The following STARD13 variants were observed in gnomAD, a reference collection of about 807,000 sequenced individuals.
STARD13 encodes StAR related lipid transfer domain containing 13, also known as stAR-related lipid transfer protein 13.
In STARD13, 62 loss-of-function variants were observed where a neutral mutation model predicts 106.4. The observed-to-expected ratio is 0.58, with a 90% CI of 0.48 to 0.72. The LOEUF (loss-of-function observed/expected upper bound fraction) is 0.72, where lower values mean the gene tolerates loss of function less well. Among genes scored for constraint, STARD13 ranks in the 30% least tolerant of loss-of-function variants. STARD13 has a pLI of 0.00. For missense variants in STARD13, 1,387 were observed against 1,424.0 expected (o/e 0.97, Z 0.42); for synonymous variants, 565 against 553.0 (o/e 1.02, Z -0.31).
At chr13:33,496,785 G>A in the STARD13 span, among the ~76,000 whole-genome samples, 1 of 152,036 alleles carries the variant, frequency 6.6e-6, no homozygotes, top group Admixed American at 6.6e-5. Context: ...TTTAAACAAA[G>A]AAGAAATGTA....
At chr13:33,306,643 C>A (rs1364249551) in intron 1 of STARD13, among the ~76,000 whole-genome samples, 1 of 152,074 alleles carries the variant, frequency 6.6e-6, no homozygotes, top group Non-Finnish European at 1.5e-5. Context: ...AAAAAACAAA[C>A]AACCCCACTA....
At chr13:33,311,402 C>T (rs2138500374) in intron 1 of STARD13, among the ~76,000 whole-genome samples, 1 of 152,270 alleles carries the variant, frequency 6.6e-6, no homozygotes, top group Admixed American at 6.5e-5. Flanking sequence ...CATTGTTGAC[C>T]AAAACATCAT....
intron 7 of STARD13, among the ~76,000 whole-genome samples, chr13:33,124,717 T>TA (rs67468466): frequency 0.64 from 97,378 of 151,896 alleles, 31,892 homozygotes; most frequent in Non-Finnish European, 0.71. Flanking sequence ...CCTCTAAGAT[T>TA]AAAAAAATTA....
At chr13:33,464,024 CATATATATAT>C in the STARD13 span, among the ~76,000 whole-genome samples, 2 of 112,540 alleles carry the variant, frequency 1.8e-5, no homozygotes, top group African/African-American at 5.8e-5. Context: ...AAAAAAAATA[CATATATATAT>C]ATATATATGT....
At chr13:33,642,785 G>T in the STARD13 span, among the ~76,000 whole-genome samples, 2 of 151,694 alleles carry the variant, frequency 1.3e-5, no homozygotes, top group African/African-American at 4.8e-5. Context: ...TGACAGTGGG[G>T]GCTGTGAGAT....
chr13:33,334,240 G>T (rs1013480805), intron 1 of STARD13, among the ~76,000 whole-genome samples: 1 of 152,180 alleles, frequency 6.6e-6, no homozygotes, highest in South Asian at 2.1e-4. Context: ...TTTACTATGT[G>T]GATTATACAG....
At chr13:33,663,486 T>A in the STARD13 span, among the ~76,000 whole-genome samples, 1 of 152,104 alleles carries the variant, frequency 6.6e-6, no homozygotes, top group South Asian at 2.1e-4. Flanking sequence ...AAAAACAATG[T>A]TTATGATGAA....
At chr13:33,508,527 T>C in the STARD13 span, among the ~76,000 whole-genome samples, 11 of 152,202 alleles carry the variant, frequency 7.2e-5, no homozygotes, top group African/African-American at 2.4e-4. Context: ...TAAACTTTTA[T>C]AAGCTGAATT....
the STARD13 span, among the ~76,000 whole-genome samples, chr13:33,619,113 C>G: frequency 6.7e-6 from 1 of 149,284 alleles, no homozygotes. Flanking sequence ...CTCTGAAAAC[C>G]GTGGGCATTT....
the STARD13 span, among the ~76,000 whole-genome samples, chr13:33,534,038 C>T: frequency 1.3e-5 from 2 of 152,174 alleles, no homozygotes; most frequent in South Asian, 4.1e-4. Context: ...TCAAAAGTAA[C>T]TGACAACTGA....
intron 1 of STARD13, among the ~76,000 whole-genome samples, chr13:33,227,231 G>A (rs1298322311): frequency 6.6e-6 from 1 of 152,138 alleles, no homozygotes; most frequent in Non-Finnish European, 1.5e-5. Context: ...AAGTTCCATC[G>A]TTAGTCTTTT....
intron 4 of STARD13, among the ~76,000 whole-genome samples, chr13:33,136,930 AC>A (rs1429052148): frequency 6.6e-6 from 1 of 152,264 alleles, no homozygotes; most frequent in African/African-American, 2.4e-5. Flanking sequence ...CCAGGGAGCC[AC>A]AGGCCACAGA....
the STARD13 span, among the ~76,000 whole-genome samples, chr13:33,622,654 G>A: frequency 6.7e-6 from 1 of 149,058 alleles, no homozygotes; most frequent in Non-Finnish European, 1.5e-5. Context: ...GGGCGTGGTG[G>A]CTCAAGCCTG....
intron 1 of STARD13, among the ~76,000 whole-genome samples, chr13:33,189,430 CT>C (rs761701327): frequency 3.6e-4 from 5 of 13,728 alleles, no homozygotes; most frequent in Non-Finnish European, 7.5e-4. Context: ...CTCCTTCCTC[CT>C]TTCGGAGGAA....
At chr13:33,310,881 T>A (rs748846949) in intron 1 of STARD13, among the ~76,000 whole-genome samples, 1 of 152,028 alleles carries the variant, frequency 6.6e-6, no homozygotes, top group African/African-American at 2.4e-5. Flanking sequence ...GGCCTATTGC[T>A]CCTAGGCTAC....
chr13:33,576,054 A>G, the STARD13 span, among the ~76,000 whole-genome samples: 1 of 152,204 alleles, frequency 6.6e-6, no homozygotes. Context: ...TTTTACTACA[A>G]CAACTAGCTC....
At chr13:33,435,436 T>C in the STARD13 span, among the ~76,000 whole-genome samples, 1 of 152,352 alleles carries the variant, frequency 6.6e-6, no homozygotes, top group South Asian at 2.1e-4. Flanking sequence ...AAGCTTTATG[T>C]GGCACTTGCA....
the STARD13 span, among the ~76,000 whole-genome samples, chr13:33,386,390 G>C: frequency 6.6e-6 from 1 of 152,234 alleles, no homozygotes; most frequent in Middle Eastern, 3.4e-3. Flanking sequence ...TGTCTTACAT[G>C]CTGAGCTAGC....
intron 1 of STARD13, among the ~76,000 whole-genome samples, chr13:33,170,886 C>T (rs934975283): frequency 5.9e-5 from 9 of 152,106 alleles, no homozygotes; most frequent in Non-Finnish European, 1.5e-5. Context: ...CTGAGTTTGC[C>T]CATCCAATTG....
Sources: allele counts gnomAD v4.1 joint callset (sites outside exome capture counted in the v4.1 genomes callset), GRCh38; gene constraint gnomAD v4.1.1; transcripts MANE v1.5; gene names NCBI Gene and HGNC (gene_info 2026-07-23, HGNC 2026-07-21).